The following EFCAB5 variants were observed in gnomAD, a reference collection of about 807,000 sequenced individuals.
EFCAB5 encodes the protein EF-hand calcium-binding domain-containing protein 5.
EFCAB5 carries 131 observed loss-of-function variants against 167.9 expected under a neutral mutation model. The ratio of observed to expected loss-of-function variants is 0.78; its 90% CI spans 0.68 to 0.90. The LOEUF (loss-of-function observed/expected upper bound fraction) is 0.90, where lower values mean the gene tolerates loss of function less well. Among genes scored for constraint, EFCAB5 ranks in the 40% least tolerant of loss-of-function variants. EFCAB5 has a pLI of 0.00. For missense variants in EFCAB5, 1,663 were observed against 1,745.2 expected (o/e 0.95, Z 0.84); for synonymous variants, 574 against 602.8 (o/e 0.95, Z 0.70).
intron 7 of EFCAB5, among the ~76,000 whole-genome samples, chr17:30,008,690 TA>T (rs2068828404): frequency 1.3e-5 from 2 of 152,096 alleles, no homozygotes; most frequent in Admixed American, 6.6e-5. Context: ...ATAGAATATA[TA>T]AAAATATAAA....
chr17:30,065,389 C>T (rs1222541098), intron 14 of EFCAB5, among the ~76,000 whole-genome samples: 12 of 152,186 alleles, frequency 7.9e-5, no homozygotes, highest in Admixed American at 1.3e-4. Flanking sequence ...ACTGGCCAGG[C>T]GCGGTGGCTC....
At chr17:30,001,084 G>A (rs1597648977) in intron 7 of EFCAB5, among the ~76,000 whole-genome samples, 1 of 152,280 alleles carries the variant, frequency 6.6e-6, no homozygotes, top group Middle Eastern at 3.4e-3. Context: ...AAGGATTCTG[G>A]CTTAGGCTGT....
intron 14 of EFCAB5, chr17:30,074,528 A>G (rs2070829486): frequency 6.6e-6 from 1 of 152,144 alleles, no homozygotes; most frequent in Non-Finnish European, 1.5e-5. Flanking sequence ...CATTGTATGA[A>G]TACACCATGG....
intron 4 of EFCAB5, among the ~76,000 whole-genome samples, chr17:29,970,263 A>G (rs905631389): frequency 6.6e-6 from 1 of 151,974 alleles, no homozygotes; most frequent in Non-Finnish European, 1.5e-5. Flanking sequence ...GTATTTCTGC[A>G]TTTTTCCATC....
At chr17:30,057,339 A>C (rs141832502) in intron 12 of EFCAB5, among the ~76,000 whole-genome samples, 1 of 152,334 alleles carries the variant, frequency 6.6e-6, no homozygotes, top group Non-Finnish European at 1.5e-5. Context: ...GTACAAAAAG[A>C]GTGATTCGTC....
At chr17:29,983,612 T>A (rs1370017994) in intron 4 of EFCAB5, among the ~76,000 whole-genome samples, 1 of 152,200 alleles carries the variant, frequency 6.6e-6, no homozygotes, top group Non-Finnish European at 1.5e-5. Context: ...TGAATCTGCT[T>A]ATAGGTTATG....
chr17:29,930,422 T>TG (rs1380252053), intron 1 of EFCAB5: 1 of 126,418 alleles, frequency 7.9e-6, no homozygotes, highest in African/African-American at 3.1e-5. Flanking sequence ...TGGAGTGGGG[T>TG]GGGGGAAGGG....
chr17:29,969,286 C>G lies in EFCAB5; in HGVS notation c.686C>G (p.Pro229Arg). 6.2e-7 allele frequency: 1 copy of G among 1,613,252 alleles called. No individual in the cohort carries two copies. Among genetic ancestry groups the G allele is most frequent in the Non-Finnish European group, 8.5e-7 (1 of 1,179,682 alleles). ...AACAATCCTAATTATATCAAAGACC[C>G]AGGAATGTCTGGTTACCAGAGGTTG... The part of the protein sequence containing the change: ...IRNNPNYIKD[P>R]GMSGYQRLMK... Residue 229 changes from proline to arginine, a missense_variant, in exon 4 of 23, where the codon CCA (proline) becomes CGA (arginine). Transcript: ENST00000394835.
intron 3 of EFCAB5, among the ~76,000 whole-genome samples, chr17:29,947,960 G>A (rs1159218668): frequency 2.6e-5 from 4 of 152,010 alleles, no homozygotes; most frequent in Admixed American, 2.6e-4. Flanking sequence ...CAAATAGCTG[G>A]GATTGCAGCC....
At chr17:30,012,822 C>T (rs2068939007) in intron 7 of EFCAB5, among the ~76,000 whole-genome samples, 1 of 152,166 alleles carries the variant, frequency 6.6e-6, no homozygotes, top group African/African-American at 2.4e-5. Context: ...TTGCCCTGGC[C>T]AGAACTTCCA....
upstream of EFCAB5, among the ~76,000 whole-genome samples, chr17:29,938,971 C>A (rs139566461): frequency 6.9e-4 from 105 of 152,260 alleles, 1 homozygote; most frequent in Middle Eastern, 3.4e-3. Flanking sequence ...TGAATCCTTT[C>A]AAGAAGGTTT....
At position 30,083,033 on chromosome 17, in the gene EFCAB5, G is replaced by GTGTACTA; in HGVS notation, c.3569_3570insTGTACTA (p.Pro1191ValfsTer45). On this transcript the variant is annotated frameshift_variant, in exon 18 of 23. Coordinates refer to ENST00000394835, the MANE Select transcript of EFCAB5 (RefSeq NM_198529.4). LOFTEE classifies it high-confidence loss of function. ...ATCACTACGTACTTTGTAGAGCCTA[G>GTGTACTA]CCCAGCCCAGGTAGGCAAGGCTCAG... 1 of 1,613,794 alleles carries GTGTACTA rather than the reference G, an allele frequency of 6.2e-7. No individual in the cohort carries two copies. Among genetic ancestry groups the GTGTACTA allele is most frequent in the Non-Finnish European group, 8.5e-7 (1 of 1,179,778 alleles).
intron 8 of EFCAB5, among the ~76,000 whole-genome samples, chr17:30,042,181 G>A (rs1482829254): frequency 6.6e-6 from 1 of 151,948 alleles, no homozygotes; most frequent in African/African-American, 2.4e-5. Context: ...GCTAATTTTT[G>A]TATTTTTAAT....
intron 22 of EFCAB5, among the ~76,000 whole-genome samples, chr17:30,093,632 T>G (rs2071242253): frequency 6.6e-6 from 1 of 152,182 alleles, no homozygotes; most frequent in South Asian, 2.1e-4. Flanking sequence ...TATCCTAGCT[T>G]ATTCCTGAGA....
Position 30,080,166 on chromosome 17 carries a change from G to C in EFCAB5, c.3122G>C (p.Arg1041Thr). Residue 1041 changes from arginine to threonine, a missense_variant, in exon 16 of 23, where the codon AGG becomes ACG. Physicochemically the swap from Arg to Thr is moderately conservative, Grantham distance 71 (BLOSUM62 -1). Coordinates refer to ENST00000394835, the MANE Select transcript of EFCAB5 (RefSeq NM_198529.4). ...LLPEKGNVLL[R>T]NVACTLDDAQ... ...CCTGAGAAAGGGAATGTTCTATTGA[G>C]GAATGTGGCTTGTACCTTAGATGAT... The C allele has an allele frequency of 6.2e-7, 1 of 1,613,858 alleles. No homozygotes were observed. The highest frequency in any genetic ancestry group is 8.5e-7 in the Non-Finnish European group (1 of 1,179,832).
intron 22 of EFCAB5, among the ~76,000 whole-genome samples, chr17:30,103,971 A>G (rs569650726): frequency 6.6e-6 from 1 of 152,356 alleles, no homozygotes; most frequent in South Asian, 2.1e-4. Flanking sequence ...AGATCACGCC[A>G]TTGCACTCCA....
At chr17:30,018,694 AT>A (rs2151700948) in intron 7 of EFCAB5, among the ~76,000 whole-genome samples, 1 of 152,150 alleles carries the variant, frequency 6.6e-6, no homozygotes, top group African/African-American at 2.4e-5. Flanking sequence ...TTGATGCTCA[AT>A]TTGGCTGCTT....
intron 1 of EFCAB5, among the ~76,000 whole-genome samples, chr17:29,936,393 C>A (rs557360588): frequency 1.3e-5 from 2 of 152,288 alleles, no homozygotes; most frequent in African/African-American, 4.8e-5. Context: ...CAACATGGCA[C>A]ATGTATACAT....
At chr17:29,944,617 G>GTTTTTTTTTTTTTTTTTTTTTT (rs1223652580) in intron 3 of EFCAB5, among the ~76,000 whole-genome samples, 1 of 139,462 alleles carries the variant, frequency 7.2e-6, no homozygotes, top group African/African-American at 2.7e-5. Context: ...GTTGTTTTCT[G>GTTTTTTTTTTTTTTTTTTTTTT]TTTTGTTTTG....
Sources: allele counts gnomAD v4.1 joint callset (sites outside exome capture counted in the v4.1 genomes callset), GRCh38; gene constraint gnomAD v4.1.1; transcripts MANE v1.5; gene names NCBI Gene and HGNC (gene_info 2026-07-23, HGNC 2026-07-21).